PLEKHA8: variants seen among roughly 807,000 people sequenced by gnomAD.
PLEKHA8 encodes the protein pleckstrin homology domain-containing family A member 8.
PLEKHA8 carries 36 observed loss-of-function variants against 68.2 expected under a neutral mutation model. The observed-to-expected ratio is 0.53, with a 90% CI of 0.40 to 0.70. PLEKHA8 has a LOEUF of 0.70. PLEKHA8 is among the 30% of genes least tolerant of loss of function. The pLI is 0.00. For missense variants in PLEKHA8, 505 were observed against 615.4 expected (o/e 0.82, Z 1.90); for synonymous variants, 211 against 216.1 (o/e 0.98, Z 0.20).
rs1794976377 is a variant in PLEKHA8 at position 30,082,322 on chromosome 7, A to G, written c.*3535A>G. 3.0e-6 allele frequency: 3 copies of G among 985,188 alleles called. No individual in the cohort carries two copies. Among genetic ancestry groups the G allele is most frequent in the Non-Finnish European group, 3.6e-6 (3 of 829,970 alleles). The allele number at this position is 985,188 out of a possible 1,614,324, so 61.0% of individuals were successfully genotyped here. A position where few individuals can be genotyped will look rare whatever the true frequency, so the allele number is the denominator to read the frequency against. ...GTACCGCCATCAGCACACCAAATCT[A>G]CCCCCACTTATGTTTGTTCTGCCCC... On this transcript the variant is annotated 3_prime_UTR_variant, in exon 14 of 14. Transcript: ENST00000449726.
At position 30,079,110 on chromosome 7, in the gene PLEKHA8, C is replaced by CT. The variant is rs996355212; in HGVS notation, c.*324dup. 9.6e-7 allele frequency: 1 copy of CT among 1,040,994 alleles called. No homozygotes were observed. The highest frequency in any genetic ancestry group is 5.0e-5 in the Admixed American group (1 of 19,856). 64.5% of individuals were successfully genotyped at this position (1,040,994 alleles called of 1,614,324 possible). A position where few individuals can be genotyped will look rare whatever the true frequency, so the allele number is the denominator to read the frequency against. On this transcript the variant is annotated 3_prime_UTR_variant, in exon 14 of 14. Coordinates refer to ENST00000449726, the MANE Select transcript of PLEKHA8 (RefSeq NM_001197026.2). Reference sequence around the variant, plus strand: ...TATTGTATTGTTTTTATATTTTAGTCTAATGGGCCACCCAAACCCAAGCTG... The same window carrying CT: ...TATTGTATTGTTTTTATATTTTAGTCTTAATGGGCCACCCAAACCCAAGCTG...
intron 13 of PLEKHA8, 58 bp from the exon 14 acceptor site, chr7:30,078,532 A>G: frequency 6.3e-7 from 1 of 1,579,286 alleles, no homozygotes; most frequent in South Asian, 1.1e-5. Flanking sequence ...CACATGCATA[A>G]AAATAAGAGT....
At chr7:30,073,438 T>C (rs1794390255) in intron 12 of PLEKHA8, among the ~76,000 whole-genome samples, 3 of 152,024 alleles carry the variant, frequency 2.0e-5, no homozygotes, top group Admixed American at 1.3e-4. Context: ...ATTGTCTCAA[T>C]TTTTCAATAT....
intron 13 of PLEKHA8, among the ~76,000 whole-genome samples, chr7:30,077,786 G>C (rs893123076): frequency 6.6e-6 from 1 of 152,146 alleles, no homozygotes; most frequent in Non-Finnish European, 1.5e-5. Context: ...AAAAGCCTCT[G>C]CTGAGATCTA....
At chr7:30,077,940 G>T (rs1390376936) in intron 13 of PLEKHA8, among the ~76,000 whole-genome samples, 1 of 152,132 alleles carries the variant, frequency 6.6e-6, no homozygotes, top group Non-Finnish European at 1.5e-5. Context: ...TCCAAGTTCA[G>T]ATCCTAGCCC....
rs13231465 is a variant in PLEKHA8, at chr7:30,115,649, T to C, written c.1363-13617T>C. Among the ~76,000 whole-genome samples, 739 of 151,644 alleles carry C rather than the reference T, an allele frequency of 4.9e-3. 7 individuals carry two copies. Among genetic ancestry groups the C allele is most frequent in the Non-Finnish European group, 8.5e-3 (577 of 67,752 alleles). Reference sequence around the variant, plus strand: ...ACATGTACACATACATGCACACATGTACACATACATGTATACGTGTATACA... The same window carrying C: ...ACATGTACACATACATGCACACATGCACACATACATGTATACGTGTATACA... On this transcript the variant is annotated intron_variant, in intron 13 of 13. Transcript: ENST00000396257.
At chr7:30,060,814 T>C (rs1385159915) in intron 9 of PLEKHA8, 70 bp from the exon 10 acceptor site, 1 of 1,232,702 alleles carries the variant, frequency 8.1e-7, no homozygotes, top group Non-Finnish European at 1.2e-6. Context: ...AATTTATTAT[T>C]ACTTTATTAT....
intron 13 of PLEKHA8, among the ~76,000 whole-genome samples, chr7:30,100,827 G>A (rs62446723): frequency 0.18 from 26,987 of 152,150 alleles, 2,496 homozygotes; most frequent in African/African-American, 0.24. Context: ...AAATAAACCT[G>A]AGGATTCTGC....
At position 30,028,573 on chromosome 7, in the gene PLEKHA8, G is replaced by A. The variant is rs1364231414; in HGVS notation, c.-190G>A. 6 of 394,900 alleles carry A rather than the reference G, an allele frequency of 1.5e-5. No homozygotes were observed. The highest frequency in any genetic ancestry group is 2.6e-5 in the Non-Finnish European group (6 of 228,452). The allele number at this position is 394,900 out of a possible 1,614,324, so 24.5% of individuals were successfully genotyped here. On this transcript the variant is annotated 5_prime_UTR_variant, in exon 1 of 14. Transcript: ENST00000449726. ...CGGCTGGCTGGGCTTCAAGCGCCGA[G>A]GCCGCCGCAGTGACCCCGCCCCCGG... is the stretch of plus-strand genomic sequence containing the variant.
At chr7:30,042,896 C>CA (rs2127968672) in intron 1 of PLEKHA8, among the ~76,000 whole-genome samples, 1 of 152,324 alleles carries the variant, frequency 6.6e-6, no homozygotes, top group Non-Finnish European at 1.5e-5. Context: ...CAACAAGATA[C>CA]AGTCTGAGGA....
At position 30,028,429 on chromosome 7, in the gene PLEKHA8, C is replaced by T. The variant is rs1336924044; in HGVS notation, c.-334C>T. ...GTTCAGGTGGTGCGCCGTGGCGCCG[C>T]CTGCGACCGGCAGCTCGTTCGCCGC... On this transcript the variant is annotated 5_prime_UTR_variant, in exon 1 of 14. Coordinates refer to ENST00000449726, the MANE Select transcript of PLEKHA8 (RefSeq NM_001197026.2). The T allele has an allele frequency of 2.7e-5, 7 of 261,254 alleles. No individual in the cohort carries two copies. Among genetic ancestry groups the T allele is most frequent in the Non-Finnish European group, 5.1e-5 (7 of 138,342 alleles). 16.2% of individuals were successfully genotyped at this position (261,254 alleles called of 1,614,324 possible).
intron 12 of PLEKHA8, among the ~76,000 whole-genome samples, chr7:30,065,112 G>A (rs117028439): frequency 2.0e-5 from 3 of 152,166 alleles, no homozygotes; most frequent in African/African-American, 7.2e-5. Context: ...GGGCCCAGGG[G>A]ATGTATTGAC....
At chr7:30,107,344 C>T (rs1796096361) in intron 13 of PLEKHA8, among the ~76,000 whole-genome samples, 4 of 151,928 alleles carry the variant, frequency 2.6e-5, no homozygotes, top group Admixed American at 2.6e-4. Context: ...TAAACTTATT[C>T]CTAGGTACCT....
At chr7:30,111,537 T>A (rs910013256) in intron 13 of PLEKHA8, among the ~76,000 whole-genome samples, 1 of 152,176 alleles carries the variant, frequency 6.6e-6, no homozygotes, top group Non-Finnish European at 1.5e-5. Flanking sequence ...TTCTGTCTTA[T>A]TTTTTAATTT....
At chr7:30,044,031 G>A (rs996182474) in intron 1 of PLEKHA8, among the ~76,000 whole-genome samples, 1 of 145,030 alleles carries the variant, frequency 6.9e-6, no homozygotes, top group African/African-American at 2.5e-5. Flanking sequence ...AGTCAGGGAT[G>A]ATTTTTTTTT....
chr7:30,125,072 A>G (rs554866901), intron 13 of PLEKHA8, among the ~76,000 whole-genome samples: 1 of 152,320 alleles, frequency 6.6e-6, no homozygotes, highest in African/African-American at 2.4e-5. Context: ...AAATTAGGAT[A>G]TCTTTTACAC....
At chr7:30,049,784 C>T (rs1473846034) in intron 5 of PLEKHA8, among the ~76,000 whole-genome samples, 7 of 152,142 alleles carry the variant, frequency 4.6e-5, no homozygotes, top group African/African-American at 1.7e-4. Flanking sequence ...AACTTCTTAA[C>T]CCCTTCCCAC....
intron 13 of PLEKHA8, among the ~76,000 whole-genome samples, chr7:30,105,504 G>A (rs1318983437): frequency 6.6e-6 from 1 of 151,936 alleles, no homozygotes; most frequent in African/African-American, 2.4e-5. Context: ...AAAGTTATCA[G>A]GAATGACAGG....
At position 30,082,047 on chromosome 7, in the gene PLEKHA8, G is replaced by C. The variant is rs115613557; in HGVS notation, c.*3260G>C. ...GGTCTTCTCATTGGCTCTTGATGTAGCTCTGAAGGGAGTTCCAGAAGAGGA... is the reference window on the plus strand; with the variant it reads ...GGTCTTCTCATTGGCTCTTGATGTACCTCTGAAGGGAGTTCCAGAAGAGGA... On this transcript the variant is annotated 3_prime_UTR_variant, in exon 14 of 14. Transcript: ENST00000449726. 1.0e-6 allele frequency: 1 copy of C among 966,952 alleles called. No homozygotes were observed. The highest frequency in any genetic ancestry group is 1.8e-5 in the African/African-American group (1 of 56,796). 59.9% of individuals were successfully genotyped at this position (966,952 alleles called of 1,614,324 possible).
Sources: allele counts gnomAD v4.1 joint callset (sites outside exome capture counted in the v4.1 genomes callset), GRCh38; gene constraint gnomAD v4.1.1; transcripts MANE v1.5; gene names NCBI Gene and HGNC (gene_info 2026-07-23, HGNC 2026-07-21).